Variants in PCDHGB5 observed in about 807,000 individuals in gnomAD.
PCDHGB5 encodes the protein protocadherin gamma-B5.
PCDHGB5 carries 48 observed loss-of-function variants against 62.9 expected under a neutral mutation model. That is an observed-to-expected ratio of 0.76 (90% CI 0.61 to 0.97). PCDHGB5 has a LOEUF of 0.97. PCDHGB5 is among the 50% of genes least tolerant of loss of function. The pLI is 0.00. For missense variants in PCDHGB5, 1,118 were observed against 1,198.6 expected (o/e 0.93, Z 0.99); for synonymous variants, 474 against 511.2 (o/e 0.93, Z 0.98).
At chr5:141,410,445 T>A in intron 1 of PCDHGB5, 1 of 1,614,060 alleles carries the variant, frequency 6.2e-7, no homozygotes. Flanking sequence ...GAGGGGACTT[T>A]GCCTTATTCT....
At chr5:141,452,370 G>A (rs2098739834) in intron 1 of PCDHGB5, among the ~76,000 whole-genome samples, 1 of 152,136 alleles carries the variant, frequency 6.6e-6, no homozygotes, top group Non-Finnish European at 1.5e-5. Flanking sequence ...CTTCATTTTA[G>A]TAGGGAATAG....
At chr5:141,500,190 TTA>T (rs551092091) in intron 2 of PCDHGB5, among the ~76,000 whole-genome samples, 3 of 110,960 alleles carry the variant, frequency 2.7e-5, no homozygotes, top group Non-Finnish European at 3.9e-5. Context: ...TTATTTTTAT[TTA>T]TTTATTTATT....
rs1561671286 is a variant in PCDHGB5, at chr5:141,399,651, G to A, written c.1524G>A (p.Gly508=). Residue 508 remains glycine (G), a synonymous_variant, in exon 1 of 4, where the codon GGG becomes GGA. Coordinates refer to ENST00000617380, the MANE Select transcript of PCDHGB5 (RefSeq NM_018925.3). ...ACGTGTCCATGAGCGCGCAAAGTGG[G>A]GTGGTGTTCGCGCAGCGCGCCTTTG... is the stretch of plus-strand genomic sequence containing the variant. ...ASYVSMSAQS[G]VVFAQRAFDY... 2 of 1,613,738 alleles carry A rather than the reference G, an allele frequency of 1.2e-6. No homozygotes were observed. Among genetic ancestry groups the A allele is most frequent in the Non-Finnish European group, 1.7e-6 (2 of 1,179,884 alleles).
chr5:141,431,527 C>T lies in PCDHGB5; in HGVS notation c.2397+31003C>T. The T allele has an allele frequency of 1.2e-6, 2 of 1,614,086 alleles. No homozygotes were observed. The highest frequency in any genetic ancestry group is 2.2e-5 in the East Asian group (1 of 44,888). ...GCGCGAGCGTTCCGGAGAATCTGGC[C>T]TTGGGCACGCAGCTGCTTGTAGTCA... On this transcript the variant is annotated intron_variant, in intron 1 of 3. Coordinates refer to ENST00000617380, the MANE Select transcript of PCDHGB5 (RefSeq NM_018925.3). This position sits in a 1 kb window ranked among gnomAD's most constrained non-coding sequence, Gnocchi z 4.8.
At chr5:141,441,932 C>A in intron 1 of PCDHGB5, 1 of 347,904 alleles carries the variant, frequency 2.9e-6, no homozygotes. Flanking sequence ...GCGTGGCTGT[C>A]CTACCACGTG....
rs1024041994 is a variant in PCDHGB5 at position 141,409,578 on chromosome 5, T to C, written c.2397+9054T>C. The C allele has an allele frequency of 3.1e-6, 5 of 1,613,824 alleles. No individual in the cohort carries two copies. In the Admixed American group the frequency reaches 6.7e-5, roughly 22 times the overall value. On this transcript the variant is annotated intron_variant, in intron 1 of 3. Coordinates refer to ENST00000617380, the MANE Select transcript of PCDHGB5 (RefSeq NM_018925.3). Reference sequence around the variant, plus strand: ...GTTTTCGACCAGACGTCCTACGTGGTCCACGTGGCCGAGAACAACCCGCCA... The same window carrying C: ...GTTTTCGACCAGACGTCCTACGTGGCCCACGTGGCCGAGAACAACCCGCCA...
chr5:141,492,908 A>G (rs1595151443), intron 1 of PCDHGB5, among the ~76,000 whole-genome samples: 2 of 152,302 alleles, frequency 1.3e-5, no homozygotes, highest in African/African-American at 4.8e-5. Context: ...TCGTGATCAC[A>G]ATGTGCCCAG....
At chr5:141,422,501 CCA>C in intron 1 of PCDHGB5, 1 of 1,613,928 alleles carries the variant, frequency 6.2e-7, no homozygotes, top group African/African-American at 1.3e-5. Flanking sequence ...ACGTTGACAG[CCA>C]CAGACCAGGG....
Position 141,490,909 on chromosome 5 carries a change from G to T in PCDHGB5, c.2398-3898G>T. 4 of 1,613,744 alleles carry T rather than the reference G, an allele frequency of 2.5e-6. No individual in the cohort carries two copies. Among genetic ancestry groups the T allele is most frequent in the Non-Finnish European group, 3.4e-6 (4 of 1,179,762 alleles). ...ATCTCTGCATGTGTTTGTCCTAGAC[G>T]AGAATGATAATGCCCCAGCTGTGCT... On this transcript the variant is annotated intron_variant, in intron 1 of 3. Transcript: ENST00000617380. The surrounding 1 kb of genome is among the most constrained non-coding windows in gnomAD (Gnocchi z 5.4).
rs1012728568 is a variant in PCDHGB5 at position 141,495,487 on chromosome 5, T to C, written c.2456+622T>C. Among the ~76,000 whole-genome samples, 22 of 152,328 alleles carry C rather than the reference T, an allele frequency of 1.4e-4. 1 individual carries two copies. The East Asian group carries it at 4.1e-3, about 28-fold the overall frequency. ...GGGGTCTCCGTGTCTCTGCCCCTTT[T>C]TCTTGAGTTTCCGTCTTTGCCACTT... On this transcript the variant is annotated intron_variant, in intron 2 of 3. Coordinates refer to ENST00000617380, the MANE Select transcript of PCDHGB5 (RefSeq NM_018925.3).
chr5:141,461,961 T>C (rs914134151), intron 1 of PCDHGB5, among the ~76,000 whole-genome samples: 3 of 152,192 alleles, frequency 2.0e-5, no homozygotes, highest in African/African-American at 7.2e-5. Context: ...GTAGCTGGGA[T>C]TCCAGGCATA....
At chr5:141,465,657 G>A (rs904553709) in intron 1 of PCDHGB5, among the ~76,000 whole-genome samples, 4 of 152,130 alleles carry the variant, frequency 2.6e-5, no homozygotes, top group East Asian at 1.9e-4. Flanking sequence ...CCAAAAAAGC[G>A]CTTGCCATGA....
In PCDHGB5 at chr5:141,486,727, T is replaced by C; in HGVS notation, c.2398-8080T>C. ...TGAACCCCCAGACAGGAGCTGTTCA[T>C]GCTACTCGATCCTTTGACTATGAGC... On this transcript the variant is annotated intron_variant, in intron 1 of 3. Transcript: ENST00000617380. The surrounding 1 kb of genome is among the most constrained non-coding windows in gnomAD (Gnocchi z 5.0). 6.2e-7 allele frequency: 1 copy of C among 1,614,232 alleles called. No homozygotes were observed. Among genetic ancestry groups the C allele is most frequent in the Non-Finnish European group, 8.5e-7 (1 of 1,180,044 alleles).
Position 141,417,943 on chromosome 5 carries a change from G to C in PCDHGB5, c.2397+17419G>C, listed in dbSNP as rs772925118. ...TGCTGCTGCCTTTGTTCTACCCCAC[G>C]CTGTGTGAGCCGATCCGCTACTCGA... is the stretch of plus-strand genomic sequence containing the variant. On this transcript the variant is annotated intron_variant, in intron 1 of 3. Coordinates refer to ENST00000617380, the MANE Select transcript of PCDHGB5 (RefSeq NM_018925.3). The C allele has an allele frequency of 4.1e-5, 66 of 1,613,160 alleles. 1 individual carries two copies. The highest frequency in any genetic ancestry group is 1.8e-4 in the East Asian group (8 of 44,850).
Position 141,489,400 on chromosome 5 carries a change from T to A in PCDHGB5, c.2398-5407T>A. 6.2e-7 allele frequency: 1 copy of A among 1,614,134 alleles called. No individual in the cohort carries two copies. Among genetic ancestry groups the A allele is most frequent in the Non-Finnish European group, 8.5e-7 (1 of 1,180,020 alleles). On this transcript the variant is annotated intron_variant, in intron 1 of 3. Transcript: ENST00000617380. This position sits in a 1 kb window ranked among gnomAD's most constrained non-coding sequence, Gnocchi z 4.5. ...GGGGAATGTTGCTCAGGATCTGGGC[T>A]TAAAGATGACAGATCTGTTGAGCCG...
rs1303365585 is a variant in PCDHGB5 at position 141,511,350 on chromosome 5, C to A, written c.*177C>A. 2.1e-5 allele frequency: 30 copies of A among 1,397,076 alleles called. No individual in the cohort carries two copies. Among genetic ancestry groups the A allele is most frequent in the African/African-American group, 1.7e-4 (12 of 68,780 alleles). The allele number at this position is 1,397,076 out of a possible 1,614,324, so 86.5% of individuals were successfully genotyped here. Reference sequence around the variant, plus strand: ...CCCAGTCAGCACCTACCCCTTCCCCCCCAGGGGGTTGAATATGCAAAAGCA... The same window carrying A: ...CCCAGTCAGCACCTACCCCTTCCCCACCAGGGGGTTGAATATGCAAAAGCA... On this transcript the variant is annotated 3_prime_UTR_variant, in exon 4 of 4. Transcript: ENST00000617380.
intron 1 of PCDHGB5, among the ~76,000 whole-genome samples, chr5:141,436,742 G>A (rs568532036): frequency 3.9e-4 from 59 of 152,304 alleles, no homozygotes; most frequent in Non-Finnish European, 7.1e-4. Flanking sequence ...ATTTTTGTGT[G>A]CTTCTCCATA....
intron 1 of PCDHGB5, among the ~76,000 whole-genome samples, chr5:141,444,463 G>T (rs570185430): frequency 6.6e-6 from 1 of 152,144 alleles, no homozygotes; most frequent in Admixed American, 6.5e-5. Flanking sequence ...GAGTCACTGC[G>T]CCCGGTCGCG....
chr5:141,451,809 A>C (rs1316571749), intron 1 of PCDHGB5, among the ~76,000 whole-genome samples: 1 of 150,308 alleles, frequency 6.7e-6, no homozygotes, highest in Non-Finnish European at 1.5e-5. Flanking sequence ...TGAACCCAGG[A>C]GGCGGAGGTT....
Sources: gnomAD v4.1 joint callset for allele counts (sites outside exome capture counted in the v4.1 genomes callset) on GRCh38, gnomAD v4.1.1 for gene constraint, Gnocchi (gnomAD v3.1) non-coding constraint, MANE v1.5 for transcripts, NCBI Gene and HGNC (gene_info 2026-07-23, HGNC 2026-07-21) for gene names.